The following CLXN variants were observed in gnomAD, a reference collection of about 807,000 sequenced individuals.
CLXN encodes the protein calaxin.
the CLXN span, chr8:48,724,261 C>G: frequency 1.3e-5 from 2 of 152,394 alleles, no homozygotes; most frequent in Admixed American, 1.3e-4. Flanking sequence ...CTAGATCTCC[C>G]TCAATGCCTA....
At chr8:48,735,010 G>T in the CLXN span, 4 of 1,505,034 alleles carry the variant, frequency 2.7e-6, no homozygotes, top group South Asian at 1.2e-5. Flanking sequence ...GCGGGAAGCA[G>T]GCACAACAGC....
At chr8:48,727,023 C>G in the CLXN span, among the ~76,000 whole-genome samples, 1 of 151,200 alleles carries the variant, frequency 6.6e-6, no homozygotes, top group Non-Finnish European at 1.5e-5. Flanking sequence ...ATCCATCCAT[C>G]CATCCATCCA....
chr8:48,718,131 G>A, the CLXN span, among the ~76,000 whole-genome samples: 1 of 152,086 alleles, frequency 6.6e-6, no homozygotes, highest in Non-Finnish European at 1.5e-5. Context: ...GAAAGTTAAA[G>A]GATGGAAAAA....
chr8:48,718,085 A>G, the CLXN span, among the ~76,000 whole-genome samples: 1 of 152,200 alleles, frequency 6.6e-6, no homozygotes, highest in African/African-American at 2.4e-5. Flanking sequence ...GCTGTCTACA[A>G]GAGACTTGCT....
chr8:48,734,985 A>T, the CLXN span: 1 of 1,292,044 alleles, frequency 7.7e-7, no homozygotes. Context: ...TAGGTAGCCC[A>T]CAGAGTCCCA....
chr8:48,735,129 T>G, the CLXN span: 1 of 1,614,164 alleles, frequency 6.2e-7, no homozygotes, highest in Non-Finnish European at 8.5e-7. Flanking sequence ...GTCCGTCAGC[T>G]TCTGCAGTTT....
the CLXN span, chr8:48,710,905 T>C: frequency 6.6e-6 from 1 of 152,236 alleles, no homozygotes; most frequent in African/African-American, 2.4e-5. Context: ...GATGTAACTA[T>C]GAGCATCTTC....
the CLXN span, chr8:48,731,360 T>A: frequency 6.2e-7 from 1 of 1,611,800 alleles, no homozygotes; most frequent in Non-Finnish European, 8.5e-7. Flanking sequence ...CTGTCCATAA[T>A]CATGTCATCT....
At chr8:48,730,652 G>C in the CLXN span, 1 of 1,566,742 alleles carries the variant, frequency 6.4e-7, no homozygotes, top group Non-Finnish European at 8.8e-7. Context: ...ATACTAAAGG[G>C]AGAGAGGTTA....
At chr8:48,720,985 A>G in the CLXN span, among the ~76,000 whole-genome samples, 1 of 152,190 alleles carries the variant, frequency 6.6e-6, no homozygotes, top group Non-Finnish European at 1.5e-5. Context: ...TCCAAGTTAG[A>G]GAGGATGGAG....
the CLXN span, among the ~76,000 whole-genome samples, chr8:48,732,723 T>C: frequency 6.6e-6 from 1 of 152,154 alleles, no homozygotes; most frequent in South Asian, 2.1e-4. Flanking sequence ...AGTCCATCAA[T>C]GGAGGAATGG....
chr8:48,724,821 A>C, the CLXN span: 8 of 1,605,734 alleles, frequency 5.0e-6, no homozygotes, highest in Non-Finnish European at 6.8e-6. Context: ...AAGGTACTCA[A>C]TTTAGTATAA....
chr8:48,730,317 C>T, the CLXN span, among the ~76,000 whole-genome samples: 8 of 152,136 alleles, frequency 5.3e-5, no homozygotes, highest in Non-Finnish European at 8.8e-5. Context: ...TGTCTTCCTT[C>T]GCATAAATTA....
the CLXN span, among the ~76,000 whole-genome samples, chr8:48,717,606 G>A: frequency 6.6e-6 from 1 of 152,130 alleles, no homozygotes; most frequent in Admixed American, 6.5e-5. Flanking sequence ...AATCTCATTG[G>A]TAAAGATAAA....
At chr8:48,729,609 GTTTTA>G in the CLXN span, 1 of 1,036,120 alleles carries the variant, frequency 9.7e-7, no homozygotes, top group Non-Finnish European at 1.4e-6. Context: ...TAATTTATGT[GTTTTA>G]TTTAAGCAAG....
At chr8:48,724,807 A>C in the CLXN span, 1 of 1,609,592 alleles carries the variant, frequency 6.2e-7, no homozygotes, top group Non-Finnish European at 8.5e-7. Flanking sequence ...TGGCTCTGTA[A>C]AAAAAGGTAC....
chr8:48,735,294 G>A, the CLXN span: 1 of 938,962 alleles, frequency 1.1e-6, no homozygotes. Context: ...CCTAACAGAC[G>A]GTGTAGCCAA....
the CLXN span, among the ~76,000 whole-genome samples, chr8:48,717,323 C>T: frequency 6.6e-5 from 10 of 152,138 alleles, no homozygotes; most frequent in African/African-American, 2.2e-4. Context: ...GTGGATAAGA[C>T]TATCAGTGGA....
the CLXN span, among the ~76,000 whole-genome samples, chr8:48,726,112 C>CTCCA: frequency 0.022 from 2,469 of 111,532 alleles, 40 homozygotes; most frequent in African/African-American, 0.033. Context: ...TACCCACCCA[C>CTCCA]TCCATCCATC....
Sources: allele counts gnomAD v4.1 joint callset (sites outside exome capture counted in the v4.1 genomes callset), GRCh38; gene constraint gnomAD v4.1.1; transcripts MANE v1.5; gene names NCBI Gene and HGNC (gene_info 2026-07-23, HGNC 2026-07-21).